The following PSMF1 variants were observed in gnomAD, a reference collection of about 807,000 sequenced individuals.
PSMF1 encodes proteasome inhibitor PI31 subunit.
In PSMF1, 30 loss-of-function variants were observed where a neutral mutation model predicts 29.3. That is an observed-to-expected ratio of 1.02 (90% CI 0.77 to 1.39). The LOEUF is 1.39. Ranked by LOEUF, PSMF1 falls within the 40% of genes most tolerant of loss-of-function variation. The probability of loss-of-function intolerance (pLI) is 0.00; values close to 1 mark genes in which losing one functional copy is unlikely to be tolerated. For missense variants in PSMF1, 344 were observed against 357.5 expected, an observed-to-expected ratio of 0.96 and a Z score of 0.31; for synonymous variants, 134 against 139.7, an observed-to-expected ratio of 0.96 and a Z score of 0.29.
rs550069004 is a variant in PSMF1, at chr20:1,163,406, C to G, written c.605+223C>G. Among the ~76,000 whole-genome samples, 59 of 152,338 alleles carry G rather than the reference C, an allele frequency of 3.9e-4. No homozygotes were observed. The highest frequency in any genetic ancestry group is 1.3e-3 in the African/African-American group (56 of 41,582). On this transcript the variant is annotated intron_variant, in intron 5 of 6. Transcript: ENST00000335877. This position sits in a 1 kb window ranked among gnomAD's most constrained non-coding sequence, Gnocchi z 6.1. Reference sequence around the variant, plus strand: ...TTGGCAGGGAGGTGAACAAGCCTAGCAGGCAGCTCTTCTGCCATTTCCCGG... The same window carrying G: ...TTGGCAGGGAGGTGAACAAGCCTAGGAGGCAGCTCTTCTGCCATTTCCCGG...
chr20:1,127,216 G>A, intron 2 of PSMF1: 1 of 732,162 alleles, frequency 1.4e-6, no homozygotes, highest in Non-Finnish European at 2.5e-6. Context: ...GGAAGTAGGT[G>A]TTTTAGTCTC....
In PSMF1 at chr20:1,130,092, G is replaced by C. The variant is rs562518760; in HGVS notation, c.365+2584G>C. Among the ~76,000 whole-genome samples, 11 of 152,322 alleles carry C rather than the reference G, an allele frequency of 7.2e-5. No homozygotes were observed. The South Asian group carries it at 2.3e-3, about 32-fold the overall frequency. ...ATTCACAAAAGGACAAATTCTGTGT[G>C]ATTCTATTAAAAGTACCTAGATTAG... On this transcript the variant is annotated intron_variant, in intron 3 of 6. Transcript: ENST00000335877.
chr20:1,118,547 G>C, upstream of PSMF1: 1 of 468,154 alleles, frequency 2.1e-6, no homozygotes, highest in Non-Finnish European at 3.8e-6. Flanking sequence ...TGCTGCGCTC[G>C]CGTTGCCAAC....
At chr20:1,154,445 T>C (rs1358258116) in intron 4 of PSMF1, among the ~76,000 whole-genome samples, 3 of 152,250 alleles carry the variant, frequency 2.0e-5, no homozygotes, top group Non-Finnish European at 4.4e-5. Context: ...CTCAGGGCCC[T>C]GTGACCAGTG....
intron 4 of PSMF1, among the ~76,000 whole-genome samples, chr20:1,139,767 T>C (rs1045558123): frequency 6.9e-6 from 1 of 145,858 alleles, no homozygotes; most frequent in African/African-American, 2.5e-5. Flanking sequence ...ACGATAAAAA[T>C]CAGTTGTATT....
intron 4 of PSMF1, among the ~76,000 whole-genome samples, chr20:1,138,447 C>T (rs937132394): frequency 2.0e-5 from 3 of 147,926 alleles, no homozygotes; most frequent in Admixed American, 6.8e-5. Context: ...CGCTTGAACC[C>T]GGGAGGTGGA....
rs1246897429 is a variant in PSMF1, at chr20:1,166,658, G to A, written c.*1578G>A. The A allele has an allele frequency of 4.7e-6, 1 of 212,514 alleles. No homozygotes were observed. Among genetic ancestry groups the A allele is most frequent in the Non-Finnish European group, 9.8e-6 (1 of 102,546 alleles). 13.2% of individuals were successfully genotyped at this position (212,514 alleles called of 1,614,324 possible). ...CAGTGATTTAGTAAAACACCCCAGA[G>A]TCAGGGAAGCCAACCACCTTGAAAC... On this transcript the variant is annotated 3_prime_UTR_variant, in exon 7 of 7. Transcript: ENST00000335877.
intron 3 of PSMF1, chr20:1,134,772 C>T (rs1285679843): frequency 5.8e-5 from 21 of 364,318 alleles, no homozygotes; most frequent in Non-Finnish European, 9.1e-5. Context: ...TCCCATGACA[C>T]GTGATGAACA....
intron 4 of PSMF1, among the ~76,000 whole-genome samples, chr20:1,148,083 A>G (rs1391112328): frequency 6.6e-6 from 1 of 152,144 alleles, no homozygotes; most frequent in Non-Finnish European, 1.5e-5. Context: ...AATACAAACT[A>G]AAGTTGGAAT....
intron 3 of PSMF1, among the ~76,000 whole-genome samples, chr20:1,133,947 A>C (rs961121606): frequency 1.3e-5 from 2 of 151,836 alleles, no homozygotes; most frequent in Non-Finnish European, 2.9e-5. Context: ...CTACAGATCT[A>C]TTGTAATATC....
Position 1,128,531 on chromosome 20 carries a change from C to G in PSMF1, c.365+1023C>G, listed in dbSNP as rs189367572. On this transcript the variant is annotated intron_variant, in intron 3 of 6. Coordinates refer to ENST00000335877, the MANE Select transcript of PSMF1 (RefSeq NM_006814.5). ...AGTTCCAAATGACTTATTTCCAGTT[C>G]TTTTTGTCTTTTAACTATGTTCCAC... is the stretch of plus-strand genomic sequence containing the variant. Among the ~76,000 whole-genome samples, 41 of 152,232 alleles carry G rather than the reference C, an allele frequency of 2.7e-4. 1 individual carries two copies. The East Asian group carries it at 7.3e-3, about 27-fold the overall frequency.
chr20:1,118,986 C>T (rs924906178), intron 1 of PSMF1, 84 bp downstream of exon 1: 31 of 1,511,414 alleles, frequency 2.1e-5, no homozygotes, highest in African/African-American at 4.1e-5. Context: ...CCAGAGCGCC[C>T]GATTTCCCCG....
intron 4 of PSMF1, among the ~76,000 whole-genome samples, chr20:1,155,078 A>G (rs563387935): frequency 1.3e-5 from 2 of 152,380 alleles, no homozygotes; most frequent in South Asian, 4.1e-4. Context: ...AGATTGGAGA[A>G]TAGCAGAGTT....
Position 1,165,582 on chromosome 20 carries a change from T to A in PSMF1, c.*502T>A, listed in dbSNP as rs923772971. On this transcript the variant is annotated 3_prime_UTR_variant, in exon 7 of 7. Transcript: ENST00000335877. Reference sequence around the variant, plus strand: ...ACTCTTTTTCCTGCCCAGGGCCCATTCTTGCTTCTCAGGCACCTTCCGTTT... The same window carrying A: ...ACTCTTTTTCCTGCCCAGGGCCCATACTTGCTTCTCAGGCACCTTCCGTTT... 5.0e-6 allele frequency: 5 copies of A among 994,746 alleles called. No individual in the cohort carries two copies. In the African/African-American group the frequency reaches 8.7e-5, roughly 17 times the overall value. 61.6% of individuals were successfully genotyped at this position (994,746 alleles called of 1,614,324 possible). A position where few individuals can be genotyped will look rare whatever the true frequency, so the allele number is the denominator to read the frequency against.
chr20:1,135,371 A>G, intron 4 of PSMF1, 65 bp downstream of exon 4: 1 of 1,474,476 alleles, frequency 6.8e-7, no homozygotes, highest in Non-Finnish European at 9.2e-7. Flanking sequence ...AGCTATCCCC[A>G]TCCTGCCACT....
chr20:1,133,569 A>ATATATATATATATATATATATAT, intron 3 of PSMF1, among the ~76,000 whole-genome samples: 104 of 53,292 alleles, frequency 2.0e-3, no homozygotes, highest in South Asian at 3.4e-3. Flanking sequence ...ATATATATAT[A>ATATATATATATATATATATATAT]TTTTTTTTTT....
chr20:1,127,597 TAAGG>T (rs1283569705), intron 3 of PSMF1, 89 bp downstream of exon 3: 4 of 1,092,590 alleles, frequency 3.7e-6, no homozygotes, highest in Non-Finnish European at 5.5e-6. Context: ...TCCAGAAAAT[TAAGG>T]AAGGTGAATG....
upstream of PSMF1, among the ~76,000 whole-genome samples, chr20:1,114,469 G>GC (rs1240983227): frequency 6.6e-6 from 1 of 152,212 alleles, no homozygotes; most frequent in Non-Finnish European, 1.5e-5. Context: ...TCTGTAAGAT[G>GC]CCAGCTACAA....
At chr20:1,129,704 G>A (rs1001395922) in intron 3 of PSMF1, among the ~76,000 whole-genome samples, 16 of 152,246 alleles carry the variant, frequency 1.1e-4, no homozygotes, top group Non-Finnish European at 4.4e-5. Flanking sequence ...TGTCAAGGAT[G>A]TGGAGAAATT....
Sources: gnomAD v4.1 joint callset for allele counts (sites outside exome capture counted in the v4.1 genomes callset) on GRCh38, gnomAD v4.1.1 for gene constraint, Gnocchi (gnomAD v3.1) non-coding constraint, MANE v1.5 for transcripts, NCBI Gene and HGNC (gene_info 2026-07-23, HGNC 2026-07-21) for gene names.